EGFR: variants seen among roughly 807,000 people sequenced by gnomAD.
EGFR encodes the protein epidermal growth factor receptor.
EGFR carries 58 observed loss-of-function variants against 143.0 expected under a neutral mutation model. That is an observed-to-expected ratio of 0.41 (90% CI 0.33 to 0.50). The LOEUF (loss-of-function observed/expected upper bound fraction) is 0.50. EGFR is among the 20% of genes least tolerant of loss of function. The pLI, the probability that EGFR is intolerant of heterozygous loss-of-function variation, is 0.39. For missense variants in EGFR, 1,307 were observed against 1,579.0 expected, an observed-to-expected ratio of 0.83 and a Z score of 2.92; for synonymous variants, 613 against 594.4, an observed-to-expected ratio of 1.03 and a Z score of -0.45.
In EGFR at chr7:55,157,759, T is replaced by C. The variant is rs1483303832; in HGVS notation, c.1298+6T>C. The C allele has an allele frequency of 3.1e-6, 5 of 1,613,998 alleles. No homozygotes were observed. The highest frequency in any genetic ancestry group is 3.4e-6 in the Non-Finnish European group (4 of 1,179,946). On this transcript the variant is annotated splice_donor_region_variant and intron_variant, in intron 11 of 27. Coordinates refer to ENST00000275493, the MANE Select transcript of EGFR (RefSeq NM_005228.5). ...CGCGGCAGGACCAAGCAACAGTAAG[T>C]TGACCACAGCCAAAGCCTGGTAGAT...
chr7:55,110,017 C>T, intron 1 of EGFR: 1 of 893,370 alleles, frequency 1.1e-6, no homozygotes, highest in Non-Finnish European at 1.3e-6. Context: ...AGCATAAACA[C>T]ACAGTGTATG....
At chr7:55,104,956 G>A (rs998452122) in intron 1 of EGFR, among the ~76,000 whole-genome samples, 1 of 152,208 alleles carries the variant, frequency 6.6e-6, no homozygotes, top group Admixed American at 6.5e-5. Flanking sequence ...GTAACTGAAG[G>A]GGGAAATCTG....
intron 1 of EGFR, among the ~76,000 whole-genome samples, chr7:55,088,507 T>C (rs1790901774): frequency 6.6e-6 from 1 of 152,298 alleles, no homozygotes; most frequent in Admixed American, 6.5e-5. Flanking sequence ...TCCAGAGTGA[T>C]TTTAAAGTCA....
In EGFR at chr7:55,106,346, A is replaced by G. The variant is rs1792132166; in HGVS notation, c.89-35940A>G. Among the ~76,000 whole-genome samples the G allele has an allele frequency of 2.0e-5, 3 of 152,350 alleles. No individual in the cohort carries two copies. In the South Asian group the frequency reaches 6.2e-4, roughly 32 times the overall value. On this transcript the variant is annotated intron_variant, in intron 1 of 27. Coordinates refer to ENST00000275493, the MANE Select transcript of EGFR (RefSeq NM_005228.5). ...AAACCATTCTGGGTCAGAAGCCACC[A>G]ATATTGTCATCATCCTCCCTTTTCT...
chr7:55,100,941 T>G (rs1791777730), intron 1 of EGFR, among the ~76,000 whole-genome samples: 1 of 152,274 alleles, frequency 6.6e-6, no homozygotes, highest in Non-Finnish European at 1.5e-5. Flanking sequence ...ATTGCTGCTG[T>G]GAATACCAGT....
chr7:55,062,279 G>A (rs1016498021), intron 1 of EGFR, among the ~76,000 whole-genome samples: 3 of 152,108 alleles, frequency 2.0e-5, no homozygotes, highest in Non-Finnish European at 4.4e-5. Flanking sequence ...CAGGGATTTC[G>A]GCACACTCTC....
chr7:55,178,238 T>C (rs1439795334), intron 19 of EGFR, among the ~76,000 whole-genome samples: 1 of 152,258 alleles, frequency 6.6e-6, no homozygotes, highest in African/African-American at 2.4e-5. Flanking sequence ...TTTGGTGTTA[T>C]GGTTGTACAG....
rs971053518 is a variant in EGFR at position 55,171,313 on chromosome 7, G to A, written c.1919+100G>A. 10 of 1,531,286 alleles carry A rather than the reference G, an allele frequency of 6.5e-6. No individual in the cohort carries two copies. In the African/African-American group the frequency reaches 1.4e-4, roughly 21 times the overall value. The allele number at this position is 1,531,286 out of a possible 1,614,324, so 94.9% of individuals were successfully genotyped here. On this transcript the variant is annotated intron_variant, in intron 16 of 27. Coordinates refer to ENST00000275493, the MANE Select transcript of EGFR (RefSeq NM_005228.5). ...TGCATTTCTGACTGTCCTCTGTCCT[G>A]ATCAAGTTTCTATGGCTCTGGGCCA...
intron 1 of EGFR, among the ~76,000 whole-genome samples, chr7:55,025,795 T>C (rs1385579920): frequency 6.6e-6 from 1 of 152,212 alleles, no homozygotes; most frequent in Non-Finnish European, 1.5e-5. Flanking sequence ...GAGGCTGCTA[T>C]AGTCAGCAGC....
Position 55,192,662 on chromosome 7 carries a change from C to T in EGFR, c.2626-104C>T, listed in dbSNP as rs1189720067. 4 of 1,053,360 alleles carry T rather than the reference C, an allele frequency of 3.8e-6. No homozygotes were observed. In the African/African-American group the frequency reaches 4.6e-5, roughly 12 times the overall value. The allele number at this position is 1,053,360 out of a possible 1,614,324, so 65.3% of individuals were successfully genotyped here. A position where few individuals can be genotyped will look rare whatever the true frequency, so the allele number is the denominator to read the frequency against. On this transcript the variant is annotated intron_variant, in intron 21 of 27. Coordinates refer to ENST00000275493, the MANE Select transcript of EGFR (RefSeq NM_005228.5). ...GGGGACGGGTCCTGGGGTGATCTGG[C>T]TCGTCTGTGTGTGTCACTCGTAATT...
intron 22 of EGFR, among the ~76,000 whole-genome samples, chr7:55,196,557 C>A (rs1787627108): frequency 6.6e-6 from 1 of 152,096 alleles, no homozygotes; most frequent in South Asian, 2.1e-4. Flanking sequence ...GCTTTTGTTG[C>A]AATTGCTTGA....
chr7:55,064,103 C>A (rs894205785), intron 1 of EGFR, among the ~76,000 whole-genome samples: 2 of 152,014 alleles, frequency 1.3e-5, no homozygotes, highest in Non-Finnish European at 2.9e-5. Flanking sequence ...TTTTGATATA[C>A]AAAATAATAC....
In EGFR at chr7:55,209,028, G is replaced by A. The variant is rs1788177531; in HGVS notation, c.*3411G>A. On this transcript the variant is annotated 3_prime_UTR_variant, in exon 28 of 28. Transcript: ENST00000275493. ...CCACCCCCCAGTGCCACTCTCACTAGGCCTCTGATTGCACTTGTGTAGGAT... is the reference window on the plus strand; with the variant it reads ...CCACCCCCCAGTGCCACTCTCACTAAGCCTCTGATTGCACTTGTGTAGGAT... 6.6e-6 allele frequency: 1 copy of A among 152,150 alleles called. No homozygotes were observed. Among genetic ancestry groups the A allele is most frequent in the Non-Finnish European group, 1.5e-5 (1 of 68,056 alleles). 9.4% of individuals were successfully genotyped at this position (152,150 alleles called of 1,614,324 possible).
chr7:55,069,401 A>C (rs958633235), intron 1 of EGFR, among the ~76,000 whole-genome samples: 3 of 152,214 alleles, frequency 2.0e-5, no homozygotes, highest in African/African-American at 7.2e-5. Context: ...AATAATAAAC[A>C]GCCTCAGACA....
intron 1 of EGFR, among the ~76,000 whole-genome samples, chr7:55,094,706 A>G (rs1257405149): frequency 2.6e-5 from 4 of 152,248 alleles, no homozygotes; most frequent in Non-Finnish European, 5.9e-5. Flanking sequence ...CCACTTTGAG[A>G]GAAGTAGGGT....
intron 1 of EGFR, among the ~76,000 whole-genome samples, chr7:55,038,375 G>A (rs879295324): frequency 1.3e-5 from 2 of 152,180 alleles, no homozygotes; most frequent in African/African-American, 4.8e-5. Flanking sequence ...CTAAAACAGC[G>A]CAGCCTCCCA....
At chr7:55,033,331 C>T (rs1235011809) in intron 1 of EGFR, among the ~76,000 whole-genome samples, 1 of 152,126 alleles carries the variant, frequency 6.6e-6, no homozygotes, top group African/African-American at 2.4e-5. Flanking sequence ...ATTAAAGTGA[C>T]TTGTTAGCCT....
chr7:55,145,723 C>A (rs746169222), intron 3 of EGFR, among the ~76,000 whole-genome samples: 2 of 152,174 alleles, frequency 1.3e-5, no homozygotes, highest in East Asian at 3.8e-4. Context: ...GCTCATTGCA[C>A]CATTGTGAGA....
At chr7:55,125,509 C>T (rs1793470745) in intron 1 of EGFR, among the ~76,000 whole-genome samples, 1 of 152,240 alleles carries the variant, frequency 6.6e-6, no homozygotes. Context: ...CAGCTCCTCC[C>T]ATAAAGCAAA....
Sources: gnomAD v4.1 joint callset for allele counts (sites outside exome capture counted in the v4.1 genomes callset) on GRCh38, gnomAD v4.1.1 for gene constraint, MANE v1.5 for transcripts, NCBI Gene and HGNC (gene_info 2026-07-23, HGNC 2026-07-21) for gene names.